The following CAST variants were observed in gnomAD, a reference collection of about 807,000 sequenced individuals.
CAST encodes calpastatin, also known as MIR583 host.
CAST carries 76 observed loss-of-function variants against 119.6 expected under a neutral mutation model. The ratio of observed to expected loss-of-function variants is 0.64; its 90% CI spans 0.53 to 0.77. The LOEUF (loss-of-function observed/expected upper bound fraction) is 0.77. Ranked by LOEUF, CAST falls within the 30% of genes least tolerant of loss-of-function variation. CAST has a pLI of 0.00. For missense variants in CAST, 953 were observed against 946.5 expected, an observed-to-expected ratio of 1.01 and a Z score of -0.09; for synonymous variants, 319 against 331.6, an observed-to-expected ratio of 0.96 and a Z score of 0.41.
the CAST span, among the ~76,000 whole-genome samples, chr5:96,334,142 T>A: frequency 6.6e-6 from 1 of 152,176 alleles, no homozygotes; most frequent in African/African-American, 2.4e-5. Context: ...ACAGTTTTGT[T>A]GTTGTTCATT....
chr5:95,985,603 A>G, the CAST span, among the ~76,000 whole-genome samples: 1 of 152,206 alleles, frequency 6.6e-6, no homozygotes, highest in African/African-American at 2.4e-5. Context: ...GGAAAATTCA[A>G]GGCCAGAGAA....
intron 1 of CAST, among the ~76,000 whole-genome samples, chr5:96,616,704 C>A (rs994011836): frequency 2.7e-5 from 4 of 149,450 alleles, no homozygotes; most frequent in African/African-American, 9.9e-5. Flanking sequence ...CAATGTGTGG[C>A]CTCTTAGACA....
chr5:96,454,257 A>G, the CAST span, among the ~76,000 whole-genome samples: 1 of 152,210 alleles, frequency 6.6e-6, no homozygotes, highest in African/African-American at 2.4e-5. Context: ...GTGTCATCAG[A>G]CCCATACTAC....
intron 1 of CAST, among the ~76,000 whole-genome samples, chr5:96,572,911 G>C: frequency 6.6e-6 from 1 of 152,182 alleles, no homozygotes; most frequent in East Asian, 1.9e-4. Context: ...AACCTGGTGG[G>C]ACTCAGTAAG....
the CAST span, among the ~76,000 whole-genome samples, chr5:96,333,719 T>G: frequency 6.6e-6 from 1 of 152,028 alleles, no homozygotes; most frequent in Non-Finnish European, 1.5e-5. Flanking sequence ...GGGCGAGGGG[T>G]GTACTCAGCA....
At chr5:95,978,342 T>C in the CAST span, among the ~76,000 whole-genome samples, 6 of 152,252 alleles carry the variant, frequency 3.9e-5, no homozygotes, top group African/African-American at 1.4e-4. Flanking sequence ...ATAGCCATTC[T>C]GACTGGTGTG....
At chr5:95,999,207 A>G in the CAST span, among the ~76,000 whole-genome samples, 1 of 152,140 alleles carries the variant, frequency 6.6e-6, no homozygotes, top group Admixed American at 6.6e-5. Flanking sequence ...TTTGTTGGAC[A>G]TTTAATATAA....
the CAST span, among the ~76,000 whole-genome samples, chr5:96,494,720 A>AT: frequency 6.6e-6 from 1 of 152,224 alleles, no homozygotes; most frequent in Non-Finnish European, 1.5e-5. Context: ...TATGGGAACC[A>AT]TTAGTATAAG....
At chr5:96,363,047 A>G in the CAST span, among the ~76,000 whole-genome samples, 4 of 149,230 alleles carry the variant, frequency 2.7e-5, no homozygotes, top group African/African-American at 7.5e-5. Flanking sequence ...TCAGCTTTCT[A>G]CATATGGCTA....
chr5:96,125,817 C>T, the CAST span, among the ~76,000 whole-genome samples: 1 of 151,836 alleles, frequency 6.6e-6, no homozygotes, highest in African/African-American at 2.4e-5. Flanking sequence ...CCACAGACTT[C>T]CCCTCTCTTC....
At chr5:96,586,111 A>G (rs985949095) in intron 1 of CAST, among the ~76,000 whole-genome samples, 1 of 152,210 alleles carries the variant, frequency 6.6e-6, no homozygotes, top group Non-Finnish European at 1.5e-5. Context: ...CTCCCTATAA[A>G]GTAGATACTT....
At chr5:96,227,260 A>C in the CAST span, among the ~76,000 whole-genome samples, 1 of 152,364 alleles carries the variant, frequency 6.6e-6, no homozygotes, top group East Asian at 1.9e-4. Flanking sequence ...GGACAAATTC[A>C]ATACATTTTG....
the CAST span, among the ~76,000 whole-genome samples, chr5:95,991,626 C>A: frequency 6.6e-6 from 1 of 151,110 alleles, no homozygotes; most frequent in South Asian, 2.1e-4. Flanking sequence ...CTACCTCAGC[C>A]TCCTGAGTAG....
chr5:96,737,823 T>G (rs967299284), intron 10 of CAST, 26 bp from the exon 11 acceptor site: 2 of 1,293,130 alleles, frequency 1.5e-6, no homozygotes, highest in African/African-American at 3.0e-5. Flanking sequence ...CAAATAACAT[T>G]TAAATATCTG....
At chr5:96,299,055 C>A in the CAST span, among the ~76,000 whole-genome samples, 1 of 151,814 alleles carries the variant, frequency 6.6e-6, no homozygotes, top group Non-Finnish European at 1.5e-5. Context: ...GCTTGGCCAA[C>A]ATGATGAAAC....
the CAST span, among the ~76,000 whole-genome samples, chr5:96,353,598 T>C: frequency 2.0e-5 from 3 of 152,190 alleles, no homozygotes; most frequent in Non-Finnish European, 4.4e-5. Flanking sequence ...AGGGCCTGAA[T>C]AGAACAAAAG....
chr5:96,503,692 G>C, the CAST span, among the ~76,000 whole-genome samples: 7 of 152,072 alleles, frequency 4.6e-5, no homozygotes, highest in Non-Finnish European at 2.9e-5. Context: ...GAAAAATGCG[G>C]ACTCCTTCTG....
the CAST span, among the ~76,000 whole-genome samples, chr5:96,142,376 T>C: frequency 3.9e-5 from 6 of 152,218 alleles, no homozygotes; most frequent in Non-Finnish European, 8.8e-5. Context: ...ATTGTGCCAC[T>C]GCACTCCAGC....
intron 24 of CAST, chr5:96,760,984 A>G (rs1767752756): frequency 6.6e-6 from 1 of 152,138 alleles, no homozygotes. Flanking sequence ...TATGTTATAC[A>G]GTAATAATAA....
Sources: gnomAD v4.1 joint callset for allele counts (sites outside exome capture counted in the v4.1 genomes callset) on GRCh38, gnomAD v4.1.1 for gene constraint, MANE v1.5 for transcripts, NCBI Gene and HGNC (gene_info 2026-07-23, HGNC 2026-07-21) for gene names.